The following SEC22A variants were observed in gnomAD, a reference collection of about 807,000 sequenced individuals.
SEC22A encodes vesicle-trafficking protein SEC22a.
Under a neutral mutation model 35.3 loss-of-function variants are expected in SEC22A, and 22 were observed. That is an observed-to-expected ratio of 0.62 (90% CI 0.45 to 0.89). The LOEUF (loss-of-function observed/expected upper bound fraction) is 0.89, where lower values mean the gene tolerates loss of function less well. Among genes scored for constraint, SEC22A ranks in the 40% least tolerant of loss-of-function variants. SEC22A has a pLI of 0.00. For synonymous variants in SEC22A, 119 were observed against 129.5 expected (o/e 0.92, Z 0.55); for missense variants, 354 against 362.5 (o/e 0.98, Z 0.19).
chr3:123,202,537 C>T (rs1193920835), intron 1 of SEC22A, among the ~76,000 whole-genome samples: 1 of 151,986 alleles, frequency 6.6e-6, no homozygotes, highest in African/African-American at 2.4e-5. Flanking sequence ...CTCTTGAGAC[C>T]CTGTCTCAAG....
chr3:123,244,145 A>G (rs62262568), intron 4 of SEC22A, among the ~76,000 whole-genome samples: 25,249 of 152,228 alleles, frequency 0.17, 2,348 homozygotes, highest in Middle Eastern at 0.27. Flanking sequence ...TAGTTAATAC[A>G]TTAAAATGTG....
intron 6 of SEC22A, among the ~76,000 whole-genome samples, chr3:123,260,333 A>G (rs1264948436): frequency 6.6e-6 from 1 of 152,140 alleles, no homozygotes; most frequent in African/African-American, 2.4e-5. Flanking sequence ...CTGTAAGAGC[A>G]GAGAGACTGG....
intron 4 of SEC22A, among the ~76,000 whole-genome samples, chr3:123,232,453 T>A (rs958178340): frequency 6.6e-6 from 1 of 152,102 alleles, no homozygotes; most frequent in African/African-American, 2.4e-5. Flanking sequence ...TAATAAAAAC[T>A]ACCCACAAAG....
intron 5 of SEC22A, among the ~76,000 whole-genome samples, chr3:123,247,225 A>G (rs1013831050): frequency 6.6e-6 from 1 of 151,914 alleles, no homozygotes; most frequent in African/African-American, 2.4e-5. Context: ...CAAATAAGAT[A>G]CTCTTTTTTT....
intron 4 of SEC22A, among the ~76,000 whole-genome samples, chr3:123,234,531 A>G (rs904684343): frequency 1.3e-5 from 2 of 152,208 alleles, no homozygotes; most frequent in South Asian, 2.1e-4. Context: ...CTTTTTGACA[A>G]ATGGTGCTAG....
At chr3:123,208,291 A>G (rs1936882562) in intron 1 of SEC22A, 1 of 152,194 alleles carries the variant, frequency 6.6e-6, no homozygotes. Context: ...GGATATTTAG[A>G]TTGCTTTCAG....
intron 4 of SEC22A, among the ~76,000 whole-genome samples, chr3:123,240,103 G>A (rs546062855): frequency 5.3e-4 from 80 of 152,248 alleles, no homozygotes; most frequent in African/African-American, 1.7e-3. Context: ...ATTGGAATGC[G>A]TATGAAAGGT....
At chr3:123,221,662 T>C (rs571128871) in intron 2 of SEC22A, among the ~76,000 whole-genome samples, 134 of 152,138 alleles carry the variant, frequency 8.8e-4, no homozygotes, top group African/African-American at 3.0e-3. Context: ...TTATTTATTA[T>C]AGTGGGGTAT....
chr3:123,243,446 A>C (rs1937542668), intron 4 of SEC22A, among the ~76,000 whole-genome samples: 2 of 151,946 alleles, frequency 1.3e-5, no homozygotes, highest in Admixed American at 6.6e-5. Context: ...CATCACATTC[A>C]CATTCTTTTC....
intron 4 of SEC22A, among the ~76,000 whole-genome samples, chr3:123,228,106 G>T (rs955570907): frequency 3.9e-5 from 6 of 152,030 alleles, no homozygotes. Flanking sequence ...GGAGAAGAGG[G>T]TAACAAATTT....
chr3:123,245,189 T>C (rs1254671050), intron 4 of SEC22A, among the ~76,000 whole-genome samples: 1 of 152,356 alleles, frequency 6.6e-6, no homozygotes, highest in East Asian at 1.9e-4. Context: ...AAGTAAGCTA[T>C]GTTTGTACTT....
At position 123,225,204 on chromosome 3, in the gene SEC22A, CCTT is replaced by C; in HGVS notation, c.449_451del (p.Pro150_Tyr151delinsHis). The C allele has an allele frequency of 2.5e-6, 4 of 1,613,660 alleles. No individual in the cohort carries two copies. The highest frequency in any genetic ancestry group is 3.4e-6 in the Non-Finnish European group (4 of 1,179,618). On this transcript the variant is annotated inframe_deletion, in exon 4 of 7. Coordinates refer to ENST00000492595, the MANE Select transcript of SEC22A (RefSeq NM_012430.5). ...GCAGACGGAAATCAAGCTGAGGCCT[CCTT>C]ATCAAATTTCCATGTGCGAACTGGG...
chr3:123,209,597 T>G (rs550562399), intron 2 of SEC22A, among the ~76,000 whole-genome samples, 198 bp downstream of exon 2: 16 of 152,350 alleles, frequency 1.1e-4, no homozygotes, highest in African/African-American at 3.6e-4. Flanking sequence ...TCTGGGAAAT[T>G]TTATAGTTGT....
chr3:123,228,402 TA>T (rs754123559), intron 4 of SEC22A, among the ~76,000 whole-genome samples: 19,714 of 90,136 alleles, frequency 0.22, 1,626 homozygotes, highest in Middle Eastern at 0.34. Flanking sequence ...CCGTCTCTAC[TA>T]AAAAAAAAAA....
At chr3:123,207,331 T>A (rs935378382) in intron 1 of SEC22A, among the ~76,000 whole-genome samples, 4 of 152,162 alleles carry the variant, frequency 2.6e-5, no homozygotes, top group Non-Finnish European at 5.9e-5. Context: ...GTATTTTTTT[T>A]TATATATATT....
At position 123,246,004 on chromosome 3, in the gene SEC22A, G is replaced by A. The variant is rs376541586; in HGVS notation, c.647G>A (p.Ser216Asn). ...NLIRGFHAIE[S>N]LLQSDGDDFN... Reference sequence around the variant, plus strand: ...ATTCGAGGCTTTCATGCTATAGAAAGTCTCCTGCAGGTACTGTGCTATTTT... The same window carrying A: ...ATTCGAGGCTTTCATGCTATAGAAAATCTCCTGCAGGTACTGTGCTATTTT... Residue 216 changes from serine to asparagine, a missense_variant, in exon 5 of 7, where the codon AGT (serine) becomes AAT (asparagine). Physicochemically the swap from Ser to Asn is conservative, Grantham distance 46. Transcript: ENST00000492595. 2.3e-5 allele frequency: 37 copies of A among 1,593,036 alleles called. No homozygotes were observed. The highest frequency in any genetic ancestry group is 3.1e-5 in the Non-Finnish European group (36 of 1,161,172).
intron 3 of SEC22A, among the ~76,000 whole-genome samples, chr3:123,224,743 A>G (rs1371828065): frequency 1.3e-5 from 2 of 152,126 alleles, no homozygotes; most frequent in Non-Finnish European, 2.9e-5. Context: ...GTGAGCTATG[A>G]TTGTACCACT....
intron 6 of SEC22A, among the ~76,000 whole-genome samples, chr3:123,270,911 T>A (rs1046629414): frequency 1.3e-5 from 2 of 152,218 alleles, no homozygotes; most frequent in African/African-American, 4.8e-5. Context: ...CCATTAAAAT[T>A]TAATATTTAT....
intron 6 of SEC22A, among the ~76,000 whole-genome samples, chr3:123,271,123 A>T (rs773888988): frequency 6.6e-6 from 1 of 152,192 alleles, no homozygotes; most frequent in Non-Finnish European, 1.5e-5. Flanking sequence ...TTAAGAGTCC[A>T]TTTTGTAGAA....
Sources: gnomAD v4.1 joint callset for allele counts (sites outside exome capture counted in the v4.1 genomes callset) on GRCh38, gnomAD v4.1.1 for gene constraint, MANE v1.5 for transcripts, NCBI Gene and HGNC (gene_info 2026-07-23, HGNC 2026-07-21) for gene names.